The following CDH4 variants were observed in gnomAD, a reference collection of about 807,000 sequenced individuals.
CDH4 encodes the protein cadherin-4.
CDH4 carries 33 observed loss-of-function variants against 86.0 expected under a neutral mutation model. That is an observed-to-expected ratio of 0.38 (90% CI 0.29 to 0.51). The LOEUF is 0.51. CDH4 is among the 20% of genes least tolerant of loss of function. The pLI is 0.86. For synonymous variants in CDH4, 555 were observed against 549.4 expected, an observed-to-expected ratio of 1.01 and a Z score of -0.14; for missense variants, 1,114 against 1,307.4, an observed-to-expected ratio of 0.85 and a Z score of 2.28.
At chr20:61,498,209 T>TAA (rs112703046) in intron 2 of CDH4, among the ~76,000 whole-genome samples, 1 of 144,426 alleles carries the variant, frequency 6.9e-6, no homozygotes, top group Admixed American at 6.9e-5. Context: ...AGTATAATAA[T>TAA]AAAAAAAAAA....
intron 3 of CDH4, among the ~76,000 whole-genome samples, chr20:61,751,982 C>T (rs1209353371): frequency 3.3e-5 from 5 of 152,192 alleles, no homozygotes; most frequent in Non-Finnish European, 7.3e-5. Flanking sequence ...AGCTTCCTCG[C>T]ACATGGCACG....
chr20:61,575,876 G>C (rs1313234173), intron 2 of CDH4, among the ~76,000 whole-genome samples: 1 of 152,162 alleles, frequency 6.6e-6, no homozygotes, highest in Non-Finnish European at 1.5e-5. Flanking sequence ...CCAAGTCTCA[G>C]GAATAAATAG....
At position 61,811,029 on chromosome 20, in the gene CDH4, G is replaced by C. The variant is rs1980408445; in HGVS notation, c.577-33639G>C. Among the ~76,000 whole-genome samples the C allele has an allele frequency of 6.6e-6, 1 of 152,198 alleles. No homozygotes were observed. Among genetic ancestry groups the C allele is most frequent in the Non-Finnish European group, 1.5e-5 (1 of 68,050 alleles). ...ACGAACTCATGGCTCTTCATCCCCT[G>C]CAAAACTAATGGCGCGGTGCTGACT... On this transcript the variant is annotated intron_variant, in intron 4 of 15. Transcript: ENST00000614565. The surrounding 1 kb of genome is among the most constrained non-coding windows in gnomAD (Gnocchi z 4.4).
chr20:61,262,967 G>A (rs1600814646), intron 2 of CDH4, among the ~76,000 whole-genome samples: 1 of 149,612 alleles, frequency 6.7e-6, no homozygotes, highest in Non-Finnish European at 1.5e-5. Context: ...CATGAACTGA[G>A]AGAGAGAGAG....
At chr20:61,522,788 C>G (rs2085881020) in intron 2 of CDH4, among the ~76,000 whole-genome samples, 1 of 152,238 alleles carries the variant, frequency 6.6e-6, no homozygotes, top group Non-Finnish European at 1.5e-5. Flanking sequence ...CCGGTGTGGC[C>G]TTATTATCTG....
chr20:61,682,788 C>A (rs924599363), intron 2 of CDH4, among the ~76,000 whole-genome samples: 2 of 152,118 alleles, frequency 1.3e-5, no homozygotes, highest in African/African-American at 2.4e-5. Flanking sequence ...TGATTCTAAT[C>A]TGTGGAATGT....
At chr20:61,311,868 C>T (rs1434654271) in intron 2 of CDH4, among the ~76,000 whole-genome samples, 3 of 152,288 alleles carry the variant, frequency 2.0e-5, no homozygotes, top group East Asian at 3.8e-4. Context: ...GCGGCCAGTG[C>T]ATGGCACAGC....
chr20:61,289,559 G>A (rs906171135), intron 2 of CDH4, among the ~76,000 whole-genome samples: 21 of 152,244 alleles, frequency 1.4e-4, no homozygotes, highest in Non-Finnish European at 3.1e-4. Flanking sequence ...TGCCTGGGGA[G>A]TGTGACCACA....
chr20:61,859,431 G>A (rs1264966060), intron 6 of CDH4, among the ~76,000 whole-genome samples: 11 of 152,130 alleles, frequency 7.2e-5, no homozygotes, highest in Admixed American at 6.5e-4. Flanking sequence ...TTCCTCTTAC[G>A]GAGCAGGCTT....
rs568358603 is a variant in CDH4 at position 61,811,300 on chromosome 20, C to T, written c.577-33368C>T. Among the ~76,000 whole-genome samples the T allele has an allele frequency of 4.9e-4, 74 of 152,296 alleles. No individual in the cohort carries two copies. The highest frequency in any genetic ancestry group is 1.5e-3 in the African/African-American group (62 of 41,552). On this transcript the variant is annotated intron_variant, in intron 4 of 15. Coordinates refer to ENST00000614565, the MANE Select transcript of CDH4 (RefSeq NM_001794.5). The surrounding 1 kb of genome is among the most constrained non-coding windows in gnomAD (Gnocchi z 4.4). The stretch of plus-strand genomic sequence containing the variant: ...TTCCTGAAAGCTGGGATCCACATGC[C>T]GGCAGCCCAAGACCGCCCTCATCGG...
chr20:61,351,740 A>G (rs2084713922), intron 2 of CDH4, among the ~76,000 whole-genome samples: 1 of 148,868 alleles, frequency 6.7e-6, no homozygotes, highest in Admixed American at 6.7e-5. Flanking sequence ...TTTTTTTGAG[A>G]CAGTCTCACT....
At chr20:61,643,794 CCCTTT>C (rs1313173104) in intron 2 of CDH4, among the ~76,000 whole-genome samples, 1 of 152,268 alleles carries the variant, frequency 6.6e-6, no homozygotes, top group Non-Finnish European at 1.5e-5. Context: ...TTTGGACCCG[CCCTTT>C]CCTTAATCCA....
chr20:61,263,517 T>A (rs566919903), intron 2 of CDH4, among the ~76,000 whole-genome samples: 10 of 152,330 alleles, frequency 6.6e-5, no homozygotes, highest in African/African-American at 1.9e-4. Flanking sequence ...TCAGGAGACC[T>A]GCAGCCTAAG....
chr20:61,562,354 A>G (rs1322075046), intron 2 of CDH4, among the ~76,000 whole-genome samples: 1 of 143,790 alleles, frequency 7.0e-6, no homozygotes, highest in African/African-American at 2.6e-5. Flanking sequence ...GGAGAGAGAG[A>G]GGGACCTCCG....
intron 2 of CDH4, among the ~76,000 whole-genome samples, chr20:61,326,208 A>C (rs985356306): frequency 5.3e-5 from 8 of 152,220 alleles, no homozygotes; most frequent in Non-Finnish European, 1.2e-4. Flanking sequence ...TCTCCACCGC[A>C]CTGCCTTGTT....
intron 2 of CDH4, among the ~76,000 whole-genome samples, chr20:61,489,316 G>A (rs2085613244): frequency 6.6e-6 from 1 of 152,238 alleles, no homozygotes; most frequent in South Asian, 2.1e-4. Context: ...TTGAACAAAT[G>A]TATTGGGTTG....
chr20:61,314,269 C>G (rs747245012), intron 2 of CDH4, among the ~76,000 whole-genome samples: 5 of 152,194 alleles, frequency 3.3e-5, no homozygotes, highest in Non-Finnish European at 5.9e-5. Flanking sequence ...CCAACAGCTC[C>G]CCTCTCCCCA....
chr20:61,380,531 T>TTTTTCCCCC (rs2084894574), intron 2 of CDH4, among the ~76,000 whole-genome samples: 1 of 148,838 alleles, frequency 6.7e-6, no homozygotes, highest in Non-Finnish European at 1.5e-5. Flanking sequence ...CAAACCCCCC[T>TTTTTCCCCC]GCCCCCTCCC....
intron 2 of CDH4, among the ~76,000 whole-genome samples, chr20:61,647,017 T>G (rs944510063): frequency 2.3e-4 from 35 of 152,242 alleles, no homozygotes; most frequent in African/African-American, 8.4e-4. Flanking sequence ...TGAGTTCACT[T>G]CAGCCATTCT....
Sources: gnomAD v4.1 joint callset for allele counts (sites outside exome capture counted in the v4.1 genomes callset) on GRCh38, gnomAD v4.1.1 for gene constraint, Gnocchi (gnomAD v3.1) non-coding constraint, MANE v1.5 for transcripts, NCBI Gene and HGNC (gene_info 2026-07-23, HGNC 2026-07-21) for gene names.